Variants in ADAMTS7 observed in about 807,000 individuals in gnomAD.
ADAMTS7 encodes the protein ADAM metallopeptidase with thrombospondin type 1 motif 7.
Under a neutral mutation model 172.6 loss-of-function variants are expected in ADAMTS7, and 89 were observed. That is an observed-to-expected ratio of 0.52 (90% CI 0.43 to 0.61). The LOEUF (loss-of-function observed/expected upper bound fraction) is 0.61. Ranked by LOEUF, ADAMTS7 falls within the 20% of genes least tolerant of loss-of-function variation. The pLI, the probability that ADAMTS7 is intolerant of heterozygous loss-of-function variation, is 0.00. For synonymous variants in ADAMTS7, 885 were observed against 978.4 expected (o/e 0.90, Z 1.78); for missense variants, 1,973 against 2,355.6 (o/e 0.84, Z 3.36).
At chr15:78,781,871 T>C (rs1858965969) in intron 8 of ADAMTS7, among the ~76,000 whole-genome samples, 1 of 152,208 alleles carries the variant, frequency 6.6e-6, no homozygotes, top group African/African-American at 2.4e-5. Flanking sequence ...GTGCGTGAAA[T>C]GCTTACTGTG....
rs1359343810 is a variant in ADAMTS7, at chr15:78,766,469, T to A, written c.3442A>T (p.Thr1148Ser). 1 of 1,197,904 alleles carries A rather than the reference T, an allele frequency of 8.3e-7. No homozygotes were observed. Among genetic ancestry groups the A allele is most frequent in the African/African-American group, 1.6e-5 (1 of 61,776 alleles). The allele number at this position is 1,197,904 out of a possible 1,614,324, so 74.2% of individuals were successfully genotyped here. Residue 1148 changes from threonine to serine, a missense_variant, in exon 19 of 24, where the codon ACC (threonine) becomes TCC (serine). Thr to Ser is a moderately conservative substitution (Grantham distance 58). Transcript: ENST00000388820. ...GRSPPPPSEQTPGNPLINFLP... is the reference protein window; with the variant it reads ...GRSPPPPSEQSPGNPLINFLP... Reference sequence around the variant, plus strand: ...AAATTGATCAAAGGGTTCCCAGGGGTCTGCTCTGAGGGTGGGGGTGGGGAG... The same window carrying A: ...AAATTGATCAAAGGGTTCCCAGGGGACTGCTCTGAGGGTGGGGGTGGGGAG...
intron 1 of ADAMTS7, among the ~76,000 whole-genome samples, chr15:78,810,207 C>T (rs1187885669): frequency 6.6e-6 from 1 of 152,250 alleles, no homozygotes; most frequent in East Asian, 1.9e-4. Flanking sequence ...ATCCAGAATC[C>T]ATCCATCCTT....
At chr15:78,775,697 C>T (rs2055332476) in intron 11 of ADAMTS7, among the ~76,000 whole-genome samples, 1 of 152,234 alleles carries the variant, frequency 6.6e-6, no homozygotes, top group Admixed American at 6.5e-5. Flanking sequence ...CACCAAGCCC[C>T]TCCCGCTGAG....
chr15:78,763,551 G>T, intron 22 of ADAMTS7, 148 bp downstream of exon 22: 3 of 1,107,208 alleles, frequency 2.7e-6, no homozygotes, highest in Middle Eastern at 3.1e-4. Flanking sequence ...TGGCAGGTGT[G>T]AGCACCAGCC....
Position 78,776,292 on chromosome 15 carries a change from G to C in ADAMTS7, c.1602C>G (p.Pro534=). Reference sequence around the variant, plus strand: ...CAGACCAGCCACCATCCACGGCCTCGGGCCGGAAGCCCACGGGTACGCACT... The same window carrying C: ...CAGACCAGCCACCATCCACGGCCTCCGGCCGGAAGCCCACGGGTACGCACT... ...SGECVPVGFR[P]EAVDGGWSGW... is the part of the protein sequence containing the mutation. Residue 534 remains proline, a synonymous_variant, in exon 11 of 24, where the codon CCC becomes CCG. Coordinates refer to ENST00000388820, the MANE Select transcript of ADAMTS7 (RefSeq NM_014272.5). 1.9e-6 allele frequency: 3 copies of C among 1,611,928 alleles called. No homozygotes were observed. Among genetic ancestry groups the C allele is most frequent in the Non-Finnish European group, 2.5e-6 (3 of 1,179,838 alleles).
chr15:78,796,702 CG>C lies in ADAMTS7; in HGVS notation c.706del (p.Arg236GlyfsTer13). On this transcript the variant is annotated frameshift_variant, in exon 4 of 24. Coordinates refer to ENST00000388820, the MANE Select transcript of ADAMTS7 (RefSeq NM_014272.5). LOFTEE classifies it high-confidence loss of function. Reference sequence around the variant, plus strand: ...CACCCACTTCTCTTTGCTGACCGACCGCTGGTGTAGACGCCTCAGCCGTGGC... The same window carrying C: ...CACCCACTTCTCTTTGCTGACCGACCCTGGTGTAGACGCCTCAGCCGTGGC... ...RRPRLRRLHQ[R>X]SVSKEKWVET... 1 of 1,613,740 alleles carries C rather than the reference CG, an allele frequency of 6.2e-7. No individual in the cohort carries two copies. Among genetic ancestry groups the C allele is most frequent in the Non-Finnish European group, 8.5e-7 (1 of 1,179,992 alleles).
At chr15:78,761,669 A>G (rs12916326) in intron 23 of ADAMTS7, among the ~76,000 whole-genome samples, 44,113 of 151,606 alleles carry the variant, frequency 0.29, 7,942 homozygotes, top group Non-Finnish European at 0.42. Flanking sequence ...GGGCCACCCC[A>G]TTTCCTGCCC....
rs144850032 is a variant in ADAMTS7 at position 78,764,082 on chromosome 15, G to T, written c.4437C>A (p.Gly1479=). Residue 1479 remains glycine, a synonymous_variant, in exon 21 of 24, where the codon GGC becomes GGA. Transcript: ENST00000388820. ...GCACGTCCCGCACTGAGGAACCTCC[G>T]CCGCAGCTGCGGGAGCACTGGGGAC... ...GNWSKCSRSC[G]GGSSVRDVQC... is the part of the protein sequence containing the mutation. 4 of 1,526,926 alleles carry T rather than the reference G, an allele frequency of 2.6e-6. No homozygotes were observed. Among genetic ancestry groups the T allele is most frequent in the South Asian group, 1.2e-5 (1 of 81,560 alleles). 94.6% of individuals were successfully genotyped at this position (1,526,926 alleles called of 1,614,324 possible).
chr15:78,807,512 G>A (rs1054445469), intron 1 of ADAMTS7, among the ~76,000 whole-genome samples: 4 of 152,188 alleles, frequency 2.6e-5, no homozygotes, highest in African/African-American at 9.7e-5. Context: ...TCGGATTAGT[G>A]AGCTCTAGAG....
Position 78,806,091 on chromosome 15 carries a change from A to ACACACACACACACAC in ADAMTS7, c.100+5029_100+5030insGTGTGTGTGTGTGTG, listed in dbSNP as rs1318537417. ...CGAGACTCTGACTCCCCCCCCCAAA[A>ACACACACACACACAC]ACACACACACACACACACACACACA... is the stretch of plus-strand genomic sequence containing the variant. On this transcript the variant is annotated intron_variant, in intron 1 of 23. Transcript: ENST00000388820. 8.7e-4 allele frequency among the ~76,000 whole-genome samples: 24 copies of ACACACACACACACAC among 27,436 alleles called. 1 individual carries two copies. The highest frequency in any genetic ancestry group is 3.1e-3 in the African/African-American group (21 of 6,738). 18.0% of individuals were successfully genotyped at this position (27,436 alleles called of 152,430 possible).
intron 1 of ADAMTS7, among the ~76,000 whole-genome samples, chr15:78,805,870 C>T (rs1232983241): frequency 6.6e-6 from 1 of 151,950 alleles, no homozygotes; most frequent in Non-Finnish European, 1.5e-5. Flanking sequence ...TGCTTGAGTT[C>T]AGGAGTTCGA....
In ADAMTS7 at chr15:78,777,884, A is replaced by G. The variant is rs76283091; in HGVS notation, c.1323-296T>C. Among the ~76,000 whole-genome samples, 5,017 of 152,218 alleles carry G rather than the reference A, an allele frequency of 0.033. 623 individuals are homozygous for G. In the East Asian group the frequency reaches 0.38, roughly 12 times the overall value. ...CTTCCCTCAGAAGGCCTCCTGGACC[A>G]CCAAGCCGTCATGTGGCCCTGCTCT... On this transcript the variant is annotated intron_variant, in intron 8 of 23. Transcript: ENST00000388820.
intron 8 of ADAMTS7, among the ~76,000 whole-genome samples, chr15:78,785,985 A>G (rs534405891): frequency 4.8e-4 from 72 of 149,946 alleles, no homozygotes; most frequent in African/African-American, 1.8e-3. Context: ...GTTGGAGTGC[A>G]GTGGCGCGAT....
intron 8 of ADAMTS7, among the ~76,000 whole-genome samples, chr15:78,784,420 A>C: frequency 2.1e-5 from 1 of 47,888 alleles, no homozygotes; most frequent in South Asian, 8.8e-4. Context: ...GGAGGGAGGG[A>C]GGGAGGGAGG....
intron 23 of ADAMTS7, among the ~76,000 whole-genome samples, chr15:78,759,888 C>T (rs1448052420): frequency 1.3e-5 from 2 of 152,162 alleles, no homozygotes; most frequent in Non-Finnish European, 2.9e-5. Context: ...CGACGCCTTG[C>T]CACCCCATCT....
rs148218299 is a variant in ADAMTS7 at position 78,777,563 on chromosome 15, C to T, written c.1348G>A (p.Asp450Asn). The change falls in exon 9 of 24, where the codon GAC (aspartate) becomes AAC (asparagine). Residue 450 changes from aspartate (D) to asparagine (N), a missense_variant. Coordinates refer to ENST00000388820, the MANE Select transcript of ADAMTS7 (RefSeq NM_014272.5). ...LDRGWGLCLD[D>N]PPAKDIIDFP... ...TCGATAATGTCCTTGGCAGGAGGGT[C>T]GTCCAGGCACAGGCCCCACCCACGG... is the stretch of plus-strand genomic sequence containing the variant. 3.2e-5 allele frequency: 52 copies of T among 1,606,938 alleles called. No individual in the cohort carries two copies. The African/African-American group carries it at 5.9e-4, about 18-fold the overall frequency.
chr15:78,780,671 T>C (rs1272271228), intron 8 of ADAMTS7, among the ~76,000 whole-genome samples: 5 of 152,014 alleles, frequency 3.3e-5, no homozygotes, highest in Admixed American at 3.3e-4. Context: ...GAAGCTACCC[T>C]CCAGTGCCCC....
chr15:78,804,626 C>G (rs1050341993), intron 1 of ADAMTS7, among the ~76,000 whole-genome samples: 8 of 148,228 alleles, frequency 5.4e-5, no homozygotes, highest in African/African-American at 2.0e-4. Context: ...GTGCCCTGCA[C>G]ATGCCAGTGC....
intron 1 of ADAMTS7, among the ~76,000 whole-genome samples, chr15:78,809,601 A>G (rs2055838846): frequency 6.6e-6 from 1 of 152,184 alleles, no homozygotes; most frequent in South Asian, 2.1e-4. Context: ...CATATTCAAT[A>G]TCTCATTTAA....
Sources: gnomAD v4.1 joint callset for allele counts (sites outside exome capture counted in the v4.1 genomes callset) on GRCh38, gnomAD v4.1.1 for gene constraint, MANE v1.5 for transcripts, NCBI Gene and HGNC (gene_info 2026-07-23, HGNC 2026-07-21) for gene names.